The following ANKFY1 variants were observed in gnomAD, a reference collection of about 807,000 sequenced individuals.
ANKFY1 encodes the protein ankyrin repeat and FYVE domain-containing protein 1.
A neutral mutation model predicts 128.3 loss-of-function variants in ANKFY1; 47 were observed. That is an observed-to-expected ratio of 0.37 (90% CI 0.29 to 0.47). The LOEUF is 0.47. Ranked by LOEUF, ANKFY1 falls within the 20% of genes least tolerant of loss-of-function variation. The probability of loss-of-function intolerance (pLI) is 1.00; values close to 1 mark genes in which losing one functional copy is unlikely to be tolerated. For synonymous variants in ANKFY1, 553 were observed against 601.6 expected, an observed-to-expected ratio of 0.92 and a Z score of 1.18; for missense variants, 1,222 against 1,510.6, an observed-to-expected ratio of 0.81 and a Z score of 3.17.
chr17:4,257,960 A>G (rs1228316648), intron 1 of ANKFY1, among the ~76,000 whole-genome samples: 1 of 152,206 alleles, frequency 6.6e-6, no homozygotes, highest in African/African-American at 2.4e-5. Flanking sequence ...GCCTACAGCA[A>G]ATCACCTTGC....
chr17:4,256,083 T>C (rs1028171590), intron 1 of ANKFY1, among the ~76,000 whole-genome samples: 1 of 151,420 alleles, frequency 6.6e-6, no homozygotes, highest in African/African-American at 2.4e-5. Context: ...CCCAAAGTGC[T>C]GGGATTACAG....
chr17:4,238,528 CA>C (rs1348987911), intron 2 of ANKFY1, among the ~76,000 whole-genome samples: 8 of 151,582 alleles, frequency 5.3e-5, no homozygotes, highest in African/African-American at 1.5e-4. Context: ...GGCTGGAGTA[CA>C]GTGGCACAAT....
intron 3 of ANKFY1, among the ~76,000 whole-genome samples, chr17:4,224,943 T>C (rs1488894287): frequency 9.6e-5 from 14 of 145,146 alleles, no homozygotes; most frequent in Non-Finnish European, 1.5e-4. Flanking sequence ...GAGTTGTCGT[T>C]TTTTTTTTTT....
At position 4,178,916 on chromosome 17, in the gene ANKFY1, A is replaced by G; in HGVS notation, c.2539T>C (p.Phe847Leu). ...GLTPFACAMT[F>L]KNNKSAEAIL... ...GCCTCGGCTGACTTGTTGTTCTTGA[A>G]AGTCATGGCACAGGCAAACGGGGTC... Residue 847 changes from phenylalanine (F) to leucine (L), a missense_variant, in exon 18 of 25, where the codon TTC becomes CTC. Physicochemically the swap from Phe to Leu is conservative, Grantham distance 22. Coordinates refer to ENST00000341657, the MANE Select transcript of ANKFY1 (RefSeq NM_001330063.2). The surrounding 1 kb of genome is among the most constrained non-coding windows in gnomAD (Gnocchi z 4.1). 1 of 1,614,198 alleles carries G rather than the reference A, an allele frequency of 6.2e-7. No homozygotes were observed. The highest frequency in any genetic ancestry group is 8.5e-7 in the Non-Finnish European group (1 of 1,180,026).
Position 4,217,045 on chromosome 17 carries a change from A to G in ANKFY1, c.396T>C (p.Asp132=). The change falls in exon 4 of 25, where the codon GAT becomes GAC. Residue 132 remains aspartate (D), a synonymous_variant. Coordinates refer to ENST00000341657, the MANE Select transcript of ANKFY1 (RefSeq NM_001330063.2). ...YTDELEFRED[D]VFLTELMKLA... The stretch of plus-strand genomic sequence containing the variant: ...GTTTCATCAGTTCAGTCAGGAACAC[A>G]TCATCCTCTCTGAACTCCAGCTCAT... 1 of 1,614,154 alleles carries G rather than the reference A, an allele frequency of 6.2e-7. No homozygotes were observed. Among genetic ancestry groups the G allele is most frequent in the Non-Finnish European group, 8.5e-7 (1 of 1,180,038 alleles).
intron 1 of ANKFY1, among the ~76,000 whole-genome samples, chr17:4,242,930 A>G (rs1395493883): frequency 6.6e-6 from 1 of 152,226 alleles, no homozygotes; most frequent in Non-Finnish European, 1.5e-5. Context: ...GGAATTCTCC[A>G]GGAGAAAAGG....
intron 11 of ANKFY1, chr17:4,187,285 A>C (rs149929969): frequency 5.0e-6 from 2 of 398,708 alleles, no homozygotes; most frequent in Non-Finnish European, 4.4e-6. Context: ...ATTCCTGTGA[A>C]ACCTGTTCCT....
intron 3 of ANKFY1, among the ~76,000 whole-genome samples, chr17:4,221,919 A>G (rs976363378): frequency 2.0e-5 from 3 of 152,126 alleles, no homozygotes; most frequent in African/African-American, 4.8e-5. Context: ...GCCCAGCCCT[A>G]TTGTTTTCTC....
intron 1 of ANKFY1, chr17:4,249,167 G>T: frequency 1.0e-6 from 1 of 981,568 alleles, no homozygotes; most frequent in Non-Finnish European, 1.2e-6. Context: ...TAGGTCAGGA[G>T]TTGGCATACT....
At chr17:4,204,818 G>A (rs73326745) in intron 7 of ANKFY1, among the ~76,000 whole-genome samples, 2,021 of 152,060 alleles carry the variant, frequency 0.013, 48 homozygotes, top group African/African-American at 0.046. Context: ...ATCACACTCA[G>A]TGCTAAGCAC....
At position 4,181,224 on chromosome 17, in the gene ANKFY1, G is replaced by T. The variant is rs778692085; in HGVS notation, c.2240+30C>A. 6.4e-7 allele frequency: 1 copy of T among 1,568,288 alleles called. No individual in the cohort carries two copies. The highest frequency in any genetic ancestry group is 8.8e-7 in the Non-Finnish European group (1 of 1,138,612). Reference sequence around the variant, plus strand: ...CAGTTTGCAACAAGCTCACTAAAAAGCTGTGGAGAGATACTGGGGACTCTC... The same window carrying T: ...CAGTTTGCAACAAGCTCACTAAAAATCTGTGGAGAGATACTGGGGACTCTC... On this transcript the variant is annotated intron_variant, in intron 16 of 24. Coordinates refer to ENST00000341657, the MANE Select transcript of ANKFY1 (RefSeq NM_001330063.2). This position sits in a 1 kb window ranked among gnomAD's most constrained non-coding sequence, Gnocchi z 4.9.
chr17:4,170,592 G>T (rs2059298184), intron 23 of ANKFY1, 123 bp downstream of exon 23: 1 of 1,363,702 alleles, frequency 7.3e-7, no homozygotes, highest in Non-Finnish European at 9.9e-7. Context: ...CCCAGCTACT[G>T]CCAGGAAACG....
rs150853758 is a variant in ANKFY1, at chr17:4,183,821, A to G, written c.1789T>C (p.Leu597=). The change falls in exon 13 of 25, where the codon TTA becomes CTA. Residue 597 remains leucine (L), a synonymous_variant. Transcript: ENST00000341657. ...CCCGGCACAGCCTTACCAGTCCATAATGCCAGGCCCAGCACAGTCTGGTCT... is the reference window on the plus strand; with the variant it reads ...CCCGGCACAGCCTTACCAGTCCATAGTGCCAGGCCCAGCACAGTCTGGTCT... The part of the protein sequence containing the change: ...SRDQTVLGLA[L]WTGMHTIAAQ... 1.6e-5 allele frequency: 26 copies of G among 1,611,932 alleles called. No homozygotes were observed. Among genetic ancestry groups the G allele is most frequent in the Non-Finnish European group, 2.1e-5 (25 of 1,178,024 alleles).
chr17:4,209,484 A>G (rs1052380062), intron 5 of ANKFY1, among the ~76,000 whole-genome samples: 1 of 152,154 alleles, frequency 6.6e-6, no homozygotes, highest in African/African-American at 2.4e-5. Context: ...TATTTTTAGT[A>G]GAGATGGGGT....
chr17:4,255,823 T>C (rs1446411556), intron 1 of ANKFY1, among the ~76,000 whole-genome samples: 1 of 151,916 alleles, frequency 6.6e-6, no homozygotes, highest in Non-Finnish European at 1.5e-5. Flanking sequence ...TTTTCTTTTT[T>C]TTTTTTCTTT....
At chr17:4,222,435 T>TG in intron 3 of ANKFY1, 1 of 803,644 alleles carries the variant, frequency 1.2e-6, no homozygotes, top group Non-Finnish European at 2.3e-6. Context: ...AGTCCAAGGT[T>TG]GAATGTAAGC....
intron 3 of ANKFY1, among the ~76,000 whole-genome samples, chr17:4,229,327 A>C (rs199650027): frequency 6.6e-6 from 1 of 151,840 alleles, no homozygotes. Flanking sequence ...AGGAGGCTGA[A>C]GCAGGAGAAT....
chr17:4,219,096 ATTTTAC>A (rs2060268119), intron 3 of ANKFY1, among the ~76,000 whole-genome samples: 1 of 152,180 alleles, frequency 6.6e-6, no homozygotes, highest in South Asian at 2.1e-4. Context: ...TTTTAGCTTA[ATTTTAC>A]TTTTAGCTTT....
chr17:4,252,371 A>G (rs1211206255), intron 1 of ANKFY1, among the ~76,000 whole-genome samples: 1 of 152,118 alleles, frequency 6.6e-6, no homozygotes, highest in African/African-American at 2.4e-5. Context: ...GTTTGAGAAC[A>G]GCTGGGCAAC....
Sources: allele counts gnomAD v4.1 joint callset (sites outside exome capture counted in the v4.1 genomes callset), GRCh38; gene constraint gnomAD v4.1.1; non-coding constraint Gnocchi (gnomAD v3.1); transcripts MANE v1.5; gene names NCBI Gene and HGNC (gene_info 2026-07-23, HGNC 2026-07-21).